USP42: variants seen among roughly 807,000 people sequenced by gnomAD.
The protein encoded by USP42 is ubiquitin specific peptidase 42, also known as ubiquitin carboxyl-terminal hydrolase 42.
In USP42, 23 loss-of-function variants were observed where a neutral mutation model predicts 113.0. The ratio of observed to expected loss-of-function variants is 0.20; its 90% CI spans 0.15 to 0.29. The LOEUF is 0.29. Ranked by LOEUF, USP42 falls within the 10% of genes least tolerant of loss-of-function variation. The probability of loss-of-function intolerance (pLI) is 1.00; values close to 1 mark genes in which losing one functional copy is unlikely to be tolerated. For synonymous variants in USP42, 933 were observed against 699.0 expected (o/e 1.33, Z -5.28); for missense variants, 2,174 against 1,779.8 (o/e 1.22, Z -3.99).
chr7:6,132,873 C>T (rs910368638), intron 3 of USP42, among the ~76,000 whole-genome samples: 15 of 152,092 alleles, frequency 9.9e-5, no homozygotes, highest in Non-Finnish European at 1.6e-4. Flanking sequence ...GGGGTTTCAC[C>T]GTGTTAGCCA....
chr7:6,138,309 C>G (rs191612170), intron 4 of USP42, among the ~76,000 whole-genome samples: 3 of 152,264 alleles, frequency 2.0e-5, no homozygotes, highest in Admixed American at 2.0e-4. Flanking sequence ...AGAAACAGGA[C>G]TGAAATGTTT....
the USP42 span, among the ~76,000 whole-genome samples, chr7:6,097,460 G>A: frequency 6.9e-6 from 1 of 144,950 alleles, no homozygotes; most frequent in African/African-American, 2.6e-5. Flanking sequence ...GCTGAAGTGT[G>A]CCGTTGCATG....
intron 7 of USP42, among the ~76,000 whole-genome samples, chr7:6,141,357 A>G (rs1781422593): frequency 6.6e-6 from 1 of 151,586 alleles, no homozygotes. Flanking sequence ...TGCATGTGCC[A>G]CCATGCCCAG....
chr7:6,154,315 G>C lies in USP42; in HGVS notation c.2761G>C (p.Gly921Arg). 6.3e-7 allele frequency: 1 copy of C among 1,579,946 alleles called. No homozygotes were observed. Among genetic ancestry groups the C allele is most frequent in the Non-Finnish European group, 8.6e-7 (1 of 1,163,674 alleles). The change falls in exon 15 of 18, where the codon GGC becomes CGC. Residue 921 changes from glycine to arginine, a missense_variant. Gly to Arg is a moderately radical substitution (Grantham distance 125). Transcript: ENST00000306177. Reference sequence around the variant, plus strand: ...GGAAGGGGACGCTGAGCCTAGCCCCGGCGAGAGGGTCGAGGACGCCGCGGC... The same window carrying C: ...GGAAGGGGACGCTGAGCCTAGCCCCCGCGAGAGGGTCGAGGACGCCGCGGC... ...HPEGDAEPSP[G>R]ERVEDAAAPK...
At chr7:6,114,722 G>A (rs1195950358) in intron 2 of USP42, among the ~76,000 whole-genome samples, 2 of 104,688 alleles carry the variant, frequency 1.9e-5, no homozygotes, top group African/African-American at 3.7e-5. Flanking sequence ...GGAGTCTCTC[G>A]CTCTGTCTCC....
chr7:6,149,821 A>G lies in USP42; in HGVS notation c.1625A>G (p.His542Arg), dbSNP rs778842041. ...CAGTGTCAGTCTCAACCTAACCTTC[A>G]TAGTAATTCTTTGGAGAACCCTACC... ...VRQCQSQPNL[H>R]SNSLENPTKP... The change falls in exon 13 of 18, where the codon CAT (histidine) becomes CGT (arginine). Residue 542 changes from histidine (H) to arginine (R), a missense_variant. Coordinates refer to ENST00000306177, the MANE Select transcript of USP42 (RefSeq NM_032172.3). The G allele has an allele frequency of 1.4e-5, 23 of 1,614,044 alleles. No homozygotes were observed. In the East Asian group the frequency reaches 2.0e-4, roughly 14 times the overall value.
chr7:6,092,017 CT>C, the USP42 span, among the ~76,000 whole-genome samples: 30 of 104,736 alleles, frequency 2.9e-4, 1 homozygote, highest in African/African-American at 9.7e-4. Flanking sequence ...TCTTCTTCTT[CT>C]TCTTCTTCTT....
At chr7:6,098,548 T>C in the USP42 span, among the ~76,000 whole-genome samples, 5 of 150,194 alleles carry the variant, frequency 3.3e-5, no homozygotes, top group Non-Finnish European at 7.4e-5. Context: ...ATTGTTTTCT[T>C]GTTTTTTGTT....
chr7:6,098,578 A>G, the USP42 span, among the ~76,000 whole-genome samples: 3 of 149,736 alleles, frequency 2.0e-5, no homozygotes, highest in East Asian at 5.8e-4. Context: ...ACAGAGTCTC[A>G]CTCTTAACTG....
chr7:6,154,632 C>G lies in USP42; in HGVS notation c.3078C>G (p.Ser1026Arg), dbSNP rs1329131424. 9 of 1,602,078 alleles carry G rather than the reference C, an allele frequency of 5.6e-6. No individual in the cohort carries two copies. Among genetic ancestry groups the G allele is most frequent in the Admixed American group, 3.4e-5 (2 of 58,912 alleles). The part of the protein sequence containing the change: ...RCSHHHSRHR[S>R]GVELDWVRHH... The stretch of plus-strand genomic sequence containing the variant: ...GTCACCACCACTCCCGACACCGGAG[C>G]GGGGTGGAGCTGGACTGGGTCAGAC... Residue 1026 changes from serine to arginine, a missense_variant, in exon 15 of 18, where the codon AGC (serine) becomes AGG (arginine). Transcript: ENST00000306177.
chr7:6,110,321 T>A (rs1398861456), intron 1 of USP42, among the ~76,000 whole-genome samples: 1 of 152,168 alleles, frequency 6.6e-6, no homozygotes, highest in Non-Finnish European at 1.5e-5. Context: ...GCCCTGGGGA[T>A]TCTGTCTGAT....
chr7:6,155,982 C>T (rs1782427078), intron 15 of USP42, among the ~76,000 whole-genome samples: 1 of 152,274 alleles, frequency 6.6e-6, no homozygotes, highest in Admixed American at 6.5e-5. Context: ...TTCTCAAACC[C>T]CTAGACTCAA....
chr7:6,129,248 A>G (rs920858738), intron 3 of USP42, among the ~76,000 whole-genome samples: 4 of 152,202 alleles, frequency 2.6e-5, no homozygotes, highest in South Asian at 4.1e-4. Context: ...TCCACTAGTT[A>G]TAATTGTTAT....
At position 6,139,801 on chromosome 7, in the gene USP42, C is replaced by T. The variant is rs746197290; in HGVS notation, c.657-327C>T. 7.4e-6 allele frequency: 3 copies of T among 407,370 alleles called. No homozygotes were observed. The highest frequency in any genetic ancestry group is 1.4e-5 in the Non-Finnish European group (3 of 221,390). 25.2% of individuals were successfully genotyped at this position (407,370 alleles called of 1,614,324 possible). A position where few individuals can be genotyped will look rare whatever the true frequency, so the allele number is the denominator to read the frequency against. ...GAAGACTCTCTGCCTTTTCCGCCTC[C>T]GCTCCCTTTCCTCCCACACAGGCCG... On this transcript the variant is annotated intron_variant, in intron 5 of 17. Transcript: ENST00000306177. This position sits in a 1 kb window ranked among gnomAD's most constrained non-coding sequence, Gnocchi z 4.5.
At chr7:6,115,613 G>C (rs1779867845) in intron 3 of USP42, 90 bp downstream of exon 3, 2 of 1,439,030 alleles carry the variant, frequency 1.4e-6, no homozygotes, top group South Asian at 2.5e-5. Context: ...ATTAATCCAA[G>C]AGTGCTATGA....
chr7:6,120,473 C>G (rs1307956095), intron 3 of USP42, among the ~76,000 whole-genome samples: 1 of 152,066 alleles, frequency 6.6e-6, no homozygotes, highest in Non-Finnish European at 1.5e-5. Flanking sequence ...AAACTCCTGA[C>G]CTCAAGTGAT....
intron 2 of USP42, among the ~76,000 whole-genome samples, chr7:6,114,396 C>T (rs1779763007): frequency 1.3e-5 from 2 of 151,830 alleles, no homozygotes; most frequent in Admixed American, 6.6e-5. Flanking sequence ...CTCATGTAGC[C>T]GTCAACCAAC....
Position 6,160,903 on chromosome 7 carries a change from C to A in USP42, c.*385C>A, listed in dbSNP as rs1201600926. The A allele has an allele frequency of 6.6e-6, 1 of 152,510 alleles. No individual in the cohort carries two copies. The highest frequency in any genetic ancestry group is 1.5e-5 in the Non-Finnish European group (1 of 68,018). 9.4% of individuals were successfully genotyped at this position (152,510 alleles called of 1,614,324 possible). On this transcript the variant is annotated 3_prime_UTR_variant, in exon 18 of 18. Transcript: ENST00000306177. ...TCTGGTGCAAGACCAACCGGGAGAC[C>A]ATGGAATTGTCAAAAGTACAAACTG...
chr7:6,136,556 CTT>C (rs1226541235), intron 4 of USP42, among the ~76,000 whole-genome samples: 1 of 152,048 alleles, frequency 6.6e-6, no homozygotes, highest in African/African-American at 2.4e-5. Context: ...TTTATAGTGT[CTT>C]TGCTCTGAAA....
Sources: gnomAD v4.1 joint callset for allele counts (sites outside exome capture counted in the v4.1 genomes callset) on GRCh38, gnomAD v4.1.1 for gene constraint, Gnocchi (gnomAD v3.1) non-coding constraint, MANE v1.5 for transcripts, NCBI Gene and HGNC (gene_info 2026-07-23, HGNC 2026-07-21) for gene names.